The following MEF2C variants were observed in gnomAD, a reference collection of about 807,000 sequenced individuals.
MEF2C encodes the protein myocyte-specific enhancer factor 2C.
In MEF2C, 6 loss-of-function variants were observed where a neutral mutation model predicts 50.5. The ratio of observed to expected loss-of-function variants is 0.12; its 90% CI spans 0.07 to 0.23. The LOEUF is 0.23. MEF2C is among the 10% of genes least tolerant of loss of function. The pLI is 1.00. For synonymous variants in MEF2C, 183 were observed against 228.0 expected (o/e 0.80, Z 1.78); for missense variants, 276 against 605.0 (o/e 0.46, Z 5.70).
At chr5:88,888,153 A>G (rs1218807125), upstream of MEF2C, 4 of 152,254 alleles carry the variant, frequency 2.6e-5, no homozygotes. Flanking sequence ...TATAAATTCT[A>G]TTACCAATAA....
intron 2 of MEF2C, among the ~76,000 whole-genome samples, chr5:88,809,415 A>G (rs766222000): frequency 5.9e-5 from 9 of 152,190 alleles, no homozygotes; most frequent in Non-Finnish European, 1.2e-4. Flanking sequence ...TATTTATTGA[A>G]TATTCTCTAT....
intron 3 of MEF2C, among the ~76,000 whole-genome samples, chr5:88,789,009 G>A (rs1051535871): frequency 6.6e-6 from 1 of 151,950 alleles, no homozygotes; most frequent in South Asian, 2.1e-4. Flanking sequence ...TCTATGAAAT[G>A]GTTTCCTCCT....
intron 2 of MEF2C, among the ~76,000 whole-genome samples, chr5:88,814,895 T>TA (rs1804626520): frequency 6.6e-6 from 1 of 152,102 alleles, no homozygotes; most frequent in African/African-American, 2.4e-5. Flanking sequence ...TTGATCAGGA[T>TA]ATAAGAGATT....
At chr5:88,735,039 T>C in intron 6 of MEF2C, 6 of 985,404 alleles carry the variant, frequency 6.1e-6, no homozygotes, top group Non-Finnish European at 7.2e-6. Flanking sequence ...CACCAAATTG[T>C]TATTCTTTGG....
chr5:88,732,106 G>A (rs749439179), intron 6 of MEF2C, among the ~76,000 whole-genome samples: 1 of 152,164 alleles, frequency 6.6e-6, no homozygotes, highest in Non-Finnish European at 1.5e-5. Context: ...AACTTTTTAT[G>A]AGAAGAGAGC....
chr5:88,867,015 T>C (rs1161945249), intron 1 of MEF2C, among the ~76,000 whole-genome samples: 2 of 152,160 alleles, frequency 1.3e-5, no homozygotes, highest in Non-Finnish European at 2.9e-5. Context: ...AAAACGAGAT[T>C]TTCCCATTTC....
rs1378773945 is a variant in MEF2C at position 88,719,697 on chromosome 5, A to G, written c.*2907T>C. 6.6e-6 allele frequency: 1 copy of G among 152,224 alleles called. No individual in the cohort carries two copies. The highest frequency in any genetic ancestry group is 2.4e-5 in the African/African-American group (1 of 41,468). 9.4% of individuals were successfully genotyped at this position (152,224 alleles called of 1,614,324 possible). On this transcript the variant is annotated 3_prime_UTR_variant, in exon 11 of 11. Transcript: ENST00000504921. ...AGATAAGGTATAAGGGTAAAGATAG[A>G]CCAAGATTGTTTACAGAAAGTGACT...
chr5:88,734,760 A>G, intron 6 of MEF2C: 1 of 982,312 alleles, frequency 1.0e-6, no homozygotes, highest in Non-Finnish European at 1.2e-6. Flanking sequence ...AATTGATTTT[A>G]AAAGCCTTCT....
chr5:88,774,878 T>C (rs541897478), intron 3 of MEF2C, among the ~76,000 whole-genome samples: 12 of 152,204 alleles, frequency 7.9e-5, no homozygotes, highest in Non-Finnish European at 1.5e-4. Flanking sequence ...TTCCAGTGGC[T>C]TTCTTTATTT....
intron 1 of MEF2C, among the ~76,000 whole-genome samples, chr5:88,867,819 A>G (rs1827908988): frequency 6.6e-6 from 1 of 152,238 alleles, no homozygotes; most frequent in Non-Finnish European, 1.5e-5. Context: ...TGGTCAACAT[A>G]TGTCGATGCA....
chr5:88,874,355 A>G (rs929768695), intron 1 of MEF2C, among the ~76,000 whole-genome samples: 2 of 152,010 alleles, frequency 1.3e-5, no homozygotes, highest in African/African-American at 2.4e-5. Context: ...AAGAAAATAA[A>G]GAAATCTCTT....
intron 2 of MEF2C, among the ~76,000 whole-genome samples, chr5:88,816,465 CTT>C (rs70996497): frequency 0.2 from 17,381 of 85,914 alleles, 1,112 homozygotes; most frequent in Middle Eastern, 0.27. Context: ...CTGCCTACTG[CTT>C]TTTTTTTTTT....
chr5:88,869,304 TATATATATATAC>T (rs1561421525), intron 1 of MEF2C, among the ~76,000 whole-genome samples: 18 of 116,566 alleles, frequency 1.5e-4, no homozygotes, highest in Non-Finnish European at 2.1e-4. Context: ...TACACATATA[TATATATATATAC>T]ACATATAGCT....
Position 88,772,850 on chromosome 5 carries a change from T to A in MEF2C, c.259-11522A>T, listed in dbSNP as rs978127267. On this transcript the variant is annotated intron_variant, in intron 3 of 10. Coordinates refer to ENST00000504921, the MANE Select transcript of MEF2C (RefSeq NM_002397.5). ...TGAGCAGGGAGGGTCTCTTATAGTC[T>A]ATCTCCCCAGTTAATATGCCCTGTG... 4 of 985,346 alleles carry A rather than the reference T, an allele frequency of 4.1e-6. No individual in the cohort carries two copies. The Admixed American group carries it at 1.8e-4, about 45-fold the overall frequency. The allele number at this position is 985,346 out of a possible 1,614,324, so 61.0% of individuals were successfully genotyped here.
intron 1 of MEF2C, among the ~76,000 whole-genome samples, chr5:88,854,223 C>T (rs902407352): frequency 2.0e-5 from 3 of 152,144 alleles, no homozygotes; most frequent in Admixed American, 6.6e-5. Context: ...TAAATAGATA[C>T]TATTGCCATG....
In MEF2C at chr5:88,719,860, TTC is replaced by T. The variant is rs1202772185; in HGVS notation, c.*2742_*2743del. On this transcript the variant is annotated 3_prime_UTR_variant, in exon 11 of 11. Transcript: ENST00000504921. ...ATGACTGGCATCCATTTTCAAGTGA[TTC>T]TGTTCTCTTCATGTTCTTATAAAAC... The T allele has an allele frequency of 6.6e-6, 1 of 152,226 alleles. No individual in the cohort carries two copies. Among genetic ancestry groups the T allele is most frequent in the East Asian group, 1.9e-4 (1 of 5,198 alleles). 9.4% of individuals were successfully genotyped at this position (152,226 alleles called of 1,614,324 possible). A position where few individuals can be genotyped will look rare whatever the true frequency, so the allele number is the denominator to read the frequency against.
At chr5:88,816,211 G>A (rs1335604871) in intron 2 of MEF2C, among the ~76,000 whole-genome samples, 2 of 152,032 alleles carry the variant, frequency 1.3e-5, no homozygotes, top group Non-Finnish European at 2.9e-5. Context: ...CCAAAGGAAA[G>A]TGAATGAATG....
intron 1 of MEF2C, among the ~76,000 whole-genome samples, chr5:88,869,292 T>TATATAC (rs1561420855): frequency 2.2e-5 from 2 of 90,720 alleles, no homozygotes; most frequent in African/African-American, 7.5e-5. Context: ...TATATATATA[T>TATATAC]ATACACATAT....
chr5:88,718,336 A>T lies in MEF2C; in HGVS notation c.*4268T>A, dbSNP rs1755205663. 1 of 152,190 alleles carries T rather than the reference A, an allele frequency of 6.6e-6. No individual in the cohort carries two copies. The highest frequency in any genetic ancestry group is 6.5e-5 in the Admixed American group (1 of 15,278). The allele number at this position is 152,190 out of a possible 1,614,324, so 9.4% of individuals were successfully genotyped here. On this transcript the variant is annotated 3_prime_UTR_variant, in exon 11 of 11. Coordinates refer to ENST00000504921, the MANE Select transcript of MEF2C (RefSeq NM_002397.5). Reference sequence around the variant, plus strand: ...AAACTTTTGAAAATTTCCCACTTTTATTCACTACAGACAGCTGAATTAAGT... The same window carrying T: ...AAACTTTTGAAAATTTCCCACTTTTTTTCACTACAGACAGCTGAATTAAGT...
Sources: gnomAD v4.1 joint callset for allele counts (sites outside exome capture counted in the v4.1 genomes callset) on GRCh38, gnomAD v4.1.1 for gene constraint, MANE v1.5 for transcripts, NCBI Gene and HGNC (gene_info 2026-07-23, HGNC 2026-07-21) for gene names.